FAM222A: variants seen among roughly 807,000 people sequenced by gnomAD.
FAM222A encodes the protein protein FAM222A.
In FAM222A, 7 loss-of-function variants were observed where a neutral mutation model predicts 25.8. The observed-to-expected ratio is 0.27, with a 90% CI of 0.15 to 0.51. FAM222A has a LOEUF of 0.51. Ranked by LOEUF, FAM222A falls within the 20% of genes least tolerant of loss-of-function variation. The probability of loss-of-function intolerance (pLI) is 0.97; values close to 1 mark genes in which losing one functional copy is unlikely to be tolerated. For missense variants in FAM222A, 573 were observed against 640.5 expected (o/e 0.89, Z 1.14); for synonymous variants, 294 against 298.8 (o/e 0.98, Z 0.17).
At chr12:109,741,606 C>T (rs1348711020) in intron 1 of FAM222A, among the ~76,000 whole-genome samples, 2 of 152,202 alleles carry the variant, frequency 1.3e-5, no homozygotes, top group Non-Finnish European at 2.9e-5. Context: ...GCCCAAGGGA[C>T]ATTAGGGCAC....
At chr12:109,754,569 A>T (rs1888659365) in intron 2 of FAM222A, among the ~76,000 whole-genome samples, 1 of 152,212 alleles carries the variant, frequency 6.6e-6, no homozygotes, top group African/African-American at 2.4e-5. Flanking sequence ...AGCCACAGAC[A>T]TACATAAATG....
At chr12:109,727,183 A>G (rs780000128) in intron 1 of FAM222A, among the ~76,000 whole-genome samples, 4 of 151,932 alleles carry the variant, frequency 2.6e-5, no homozygotes, top group Non-Finnish European at 5.9e-5. Flanking sequence ...TTCTGAGGCC[A>G]GGCTGGGACA....
chr12:109,734,901 G>A (rs1383452029), intron 1 of FAM222A: 1 of 152,310 alleles, frequency 6.6e-6, no homozygotes, highest in Non-Finnish European at 1.5e-5. Context: ...CCACACATGG[G>A]TGGTGAGTGG....
chr12:109,716,575 C>A (rs1047993663), intron 1 of FAM222A, among the ~76,000 whole-genome samples: 12 of 152,154 alleles, frequency 7.9e-5, no homozygotes, highest in Non-Finnish European at 1.6e-4. Flanking sequence ...GACAGAGGAG[C>A]AACAGCAGAT....
intron 2 of FAM222A, among the ~76,000 whole-genome samples, chr12:109,759,992 G>T (rs1333673732): frequency 6.6e-6 from 1 of 152,140 alleles, no homozygotes; most frequent in Non-Finnish European, 1.5e-5. Context: ...GGGCTGCCTG[G>T]CTGAGGGACA....
chr12:109,720,198 G>A, intron 1 of FAM222A: 1 of 985,370 alleles, frequency 1.0e-6, no homozygotes, highest in Non-Finnish European at 1.2e-6. Flanking sequence ...GGCCCTGGGG[G>A]CCCCTGCTAT....
At position 109,731,203 on chromosome 12, in the gene FAM222A, G is replaced by A. The variant is rs184498534; in HGVS notation, c.-46-12898G>A. Among the ~76,000 whole-genome samples, 6 of 152,178 alleles carry A rather than the reference G, an allele frequency of 3.9e-5. No homozygotes were observed. In the East Asian group the frequency reaches 9.7e-4, roughly 25 times the overall value. ...AGGAGCCAGAGGGGTAGTGCCTTGC[G>A]GGTCTGGAGAATGAGGGCTACTAGG... is the stretch of plus-strand genomic sequence containing the variant. On this transcript the variant is annotated intron_variant, in intron 1 of 2. Coordinates refer to ENST00000538780, the MANE Select transcript of FAM222A (RefSeq NM_032829.3).
intron 2 of FAM222A, among the ~76,000 whole-genome samples, chr12:109,750,189 A>G (rs1888523277): frequency 6.6e-6 from 1 of 152,180 alleles, no homozygotes; most frequent in Non-Finnish European, 1.5e-5. Flanking sequence ...GCCTTGTTCT[A>G]ATGGTATAAC....
chr12:109,729,763 C>A (rs1186717778), intron 1 of FAM222A, among the ~76,000 whole-genome samples: 1 of 152,256 alleles, frequency 6.6e-6, no homozygotes, highest in Non-Finnish European at 1.5e-5. Context: ...CAGCAGCCAG[C>A]TTGTCCCCAA....
chr12:109,762,054 T>C (rs778932727), intron 2 of FAM222A, among the ~76,000 whole-genome samples: 1 of 151,018 alleles, frequency 6.6e-6, no homozygotes, highest in South Asian at 2.1e-4. Context: ...TTTGCCCACC[T>C]CCCTCCAATC....
intron 1 of FAM222A, among the ~76,000 whole-genome samples, chr12:109,729,103 GC>G (rs950088193): frequency 2.6e-4 from 39 of 152,282 alleles, no homozygotes; most frequent in African/African-American, 9.1e-4. Flanking sequence ...CGGGGACCAT[GC>G]AGGTAACATG....
intron 2 of FAM222A, among the ~76,000 whole-genome samples, chr12:109,765,624 C>T (rs1459722921): frequency 6.6e-6 from 1 of 152,230 alleles, no homozygotes; most frequent in Non-Finnish European, 1.5e-5. Context: ...TCTCTGGACC[C>T]CCATGTCCCG....
intron 2 of FAM222A, among the ~76,000 whole-genome samples, chr12:109,760,665 C>T (rs564663197): frequency 3.9e-5 from 6 of 152,336 alleles, no homozygotes; most frequent in Non-Finnish European, 8.8e-5. Context: ...TTGTGACCCC[C>T]GCTTGACACT....
rs1016689465 is a variant in FAM222A at position 109,743,747 on chromosome 12, C to T, written c.-46-354C>T. Among the ~76,000 whole-genome samples, 7 of 151,988 alleles carry T rather than the reference C, an allele frequency of 4.6e-5. No homozygotes were observed. In the East Asian group the frequency reaches 1.2e-3, roughly 25 times the overall value. On this transcript the variant is annotated intron_variant, in intron 1 of 2. Coordinates refer to ENST00000538780, the MANE Select transcript of FAM222A (RefSeq NM_032829.3). ...TTGCTTACAGGGGGCCACCACCGGC[C>T]GGAAGCACAGCCTGCTGCGGGGCAC...
intron 1 of FAM222A, chr12:109,742,063 G>C (rs1888255880): frequency 6.6e-6 from 1 of 152,418 alleles, no homozygotes; most frequent in Admixed American, 6.5e-5. Flanking sequence ...GCCACAGAAA[G>C]AGGCTGGGGC....
chr12:109,751,442 A>T (rs2136358740), intron 2 of FAM222A, among the ~76,000 whole-genome samples: 1 of 152,126 alleles, frequency 6.6e-6, no homozygotes, highest in African/African-American at 2.4e-5. Context: ...TGCTGGTTCA[A>T]TTTAGATTAT....
chr12:109,754,013 C>G (rs1418797828), intron 2 of FAM222A, among the ~76,000 whole-genome samples: 1 of 152,170 alleles, frequency 6.6e-6, no homozygotes, highest in Non-Finnish European at 1.5e-5. Context: ...AGGAGCAGGC[C>G]AGATAGATCT....
Position 109,768,884 on chromosome 12 carries a change from C to T in FAM222A, c.955C>T (p.Arg319Trp), listed in dbSNP as rs953716263. 5 of 1,581,924 alleles carry T rather than the reference C, an allele frequency of 3.2e-6. No homozygotes were observed. The highest frequency in any genetic ancestry group is 2.3e-5 in the East Asian group (1 of 43,676). ...CAAGTCCCCTGAGGCTTGCGGGGGC[C>T]GGGCATACGAGCGGGCCAGCGGGTC... is the stretch of plus-strand genomic sequence containing the variant. ...ASKSPEACGG[R>W]AYERASGSPL... is the part of the protein sequence containing the mutation. The change falls in exon 3 of 3, where the codon CGG (arginine) becomes TGG (tryptophan). Residue 319 changes from arginine to tryptophan, a missense_variant. This residue lies in a region of FAM222A where 412 missense variants were observed against 407.0 expected (regional missense o/e 1.01). Transcript: ENST00000538780.
At chr12:109,716,100 CG>C (rs1887639296) in intron 1 of FAM222A, among the ~76,000 whole-genome samples, 1 of 152,180 alleles carries the variant, frequency 6.6e-6, no homozygotes, top group Non-Finnish European at 1.5e-5. Context: ...AAGTGAATGG[CG>C]GGCAAGTGAG....
Sources: gnomAD v4.1 joint callset for allele counts (sites outside exome capture counted in the v4.1 genomes callset) on GRCh38, gnomAD v4.1.1 for gene constraint, gnomAD v4.1.1 regional missense constraint, MANE v1.5 for transcripts, NCBI Gene and HGNC (gene_info 2026-07-23, HGNC 2026-07-21) for gene names.